The following AMOTL1 variants were observed in gnomAD, a reference collection of about 807,000 sequenced individuals.
The protein encoded by AMOTL1 is angiomotin like 1.
A neutral mutation model predicts 102.9 loss-of-function variants in AMOTL1; 45 were observed. The observed-to-expected ratio is 0.44, with a 90% CI of 0.34 to 0.56. AMOTL1 has a LOEUF of 0.56. Among genes scored for constraint, AMOTL1 ranks in the 20% least tolerant of loss-of-function variants. The probability of loss-of-function intolerance (pLI) is 0.01; values close to 1 mark genes in which losing one functional copy is unlikely to be tolerated. For missense variants in AMOTL1, 1,114 were observed against 1,225.6 expected (o/e 0.91, Z 1.36); for synonymous variants, 481 against 484.7 (o/e 0.99, Z 0.10).
rs1377844415 is a variant in AMOTL1 at position 94,831,526 on chromosome 11, C to T, written c.1633C>T (p.His545Tyr). Residue 545 changes from histidine to tyrosine, a missense_variant, in exon 6 of 13, where the codon CAT becomes TAT. By Grantham distance (83) the His-to-Tyr change is moderately conservative. Coordinates refer to ENST00000433060, the MANE Select transcript of AMOTL1 (RefSeq NM_130847.3). ...EGHEDKAAEG[H>Y]YASQNKEFLK... ...GCATGAAGACAAAGCTGCAGAGGGGCATTATGCTTCCCAGAGTGAGTCTCC... is the reference window on the plus strand; with the variant it reads ...GCATGAAGACAAAGCTGCAGAGGGGTATTATGCTTCCCAGAGTGAGTCTCC... The T allele has an allele frequency of 6.2e-7, 1 of 1,613,744 alleles. No homozygotes were observed. Among genetic ancestry groups the T allele is most frequent in the South Asian group, 1.1e-5 (1 of 91,026 alleles).
At chr11:94,862,998 G>A (rs1952803623) in intron 9 of AMOTL1, among the ~76,000 whole-genome samples, 1 of 152,130 alleles carries the variant, frequency 6.6e-6, no homozygotes, top group Non-Finnish European at 1.5e-5. Flanking sequence ...AAACTTGCAG[G>A]AGTATAGAGC....
At chr11:94,732,616 T>G (rs1448079291) in intron 2 of AMOTL1, among the ~76,000 whole-genome samples, 1 of 152,214 alleles carries the variant, frequency 6.6e-6, no homozygotes, top group Non-Finnish European at 1.5e-5. Flanking sequence ...ACAAGTTGAT[T>G]GGGCTGTTCG....
At chr11:94,719,566 A>ATG (rs34142147) in intron 1 of AMOTL1, among the ~76,000 whole-genome samples, 102,022 of 147,996 alleles carry the variant, frequency 0.69, 39,136 homozygotes, top group Middle Eastern at 0.86. Flanking sequence ...CAGAGCGAAA[A>ATG]TGTGTGTGTG....
At chr11:94,732,199 C>T (rs1428424285) in intron 2 of AMOTL1, among the ~76,000 whole-genome samples, 1 of 152,284 alleles carries the variant, frequency 6.6e-6, no homozygotes, top group Admixed American at 6.5e-5. Context: ...GTGTCCAAAC[C>T]TTGGGGTTTT....
intron 11 of AMOTL1, among the ~76,000 whole-genome samples, chr11:94,868,875 A>G (rs956213506): frequency 6.6e-6 from 1 of 151,926 alleles, no homozygotes; most frequent in African/African-American, 2.4e-5. Context: ...CCCTGTGAAT[A>G]ATTTATTTGT....
intron 9 of AMOTL1, among the ~76,000 whole-genome samples, chr11:94,864,389 G>C (rs1952835691): frequency 1.3e-5 from 2 of 152,040 alleles, no homozygotes; most frequent in South Asian, 4.1e-4. Context: ...CTTGATTTTT[G>C]AATTTTATTT....
intron 1 of AMOTL1, among the ~76,000 whole-genome samples, chr11:94,773,705 G>A (rs150902034): frequency 6.6e-6 from 1 of 152,340 alleles, no homozygotes; most frequent in African/African-American, 2.4e-5. Context: ...TCTTTAGAGT[G>A]TGTTACTCTG....
chr11:94,766,581 C>G (rs1367599916), upstream of AMOTL1, among the ~76,000 whole-genome samples: 1 of 152,148 alleles, frequency 6.6e-6, no homozygotes, highest in African/African-American at 2.4e-5. Flanking sequence ...TTTTTCTATC[C>G]ATCACTTCTT....
chr11:94,837,857 G>A (rs1952216287), intron 6 of AMOTL1, among the ~76,000 whole-genome samples: 1 of 152,172 alleles, frequency 6.6e-6, no homozygotes, highest in Non-Finnish European at 1.5e-5. Context: ...GAAAAATCAA[G>A]CATCTTAAAC....
At chr11:94,797,142 C>A in intron 2 of AMOTL1, 3 of 431,692 alleles carry the variant, frequency 6.9e-6, no homozygotes, top group Non-Finnish European at 3.1e-6. Flanking sequence ...CGTATGTACA[C>A]ATGAAACATA....
chr11:94,838,670 A>T (rs940195465), intron 6 of AMOTL1, among the ~76,000 whole-genome samples: 2 of 152,248 alleles, frequency 1.3e-5, no homozygotes, highest in African/African-American at 4.8e-5. Context: ...TTGAAGGAAG[A>T]TGCAAAATAA....
chr11:94,783,764 G>A (rs1010944268), intron 1 of AMOTL1, among the ~76,000 whole-genome samples: 1 of 152,102 alleles, frequency 6.6e-6, no homozygotes, highest in Non-Finnish European at 1.5e-5. Context: ...TTCAGATTTG[G>A]GTCTTATATC....
chr11:94,848,315 A>G (rs1257668632), intron 6 of AMOTL1, among the ~76,000 whole-genome samples: 2 of 152,120 alleles, frequency 1.3e-5, no homozygotes, highest in Non-Finnish European at 2.9e-5. Context: ...TGCTGCAGAA[A>G]GGAAGAAGGG....
intron 6 of AMOTL1, among the ~76,000 whole-genome samples, chr11:94,839,043 C>T (rs1952241924): frequency 6.6e-6 from 1 of 152,158 alleles, no homozygotes; most frequent in Non-Finnish European, 1.5e-5. Context: ...TTGGAGAGTA[C>T]CTTAAAGGTT....
At chr11:94,732,093 C>A (rs1950363596) in intron 2 of AMOTL1, among the ~76,000 whole-genome samples, 1 of 152,338 alleles carries the variant, frequency 6.6e-6, no homozygotes, top group African/African-American at 2.4e-5. Flanking sequence ...CCTCACCTCT[C>A]CCCACCACTG....
chr11:94,792,020 C>T (rs1406382147), intron 1 of AMOTL1, among the ~76,000 whole-genome samples: 9 of 152,154 alleles, frequency 5.9e-5, no homozygotes, highest in Admixed American at 2.6e-4. Context: ...ATTACTGTCA[C>T]GTTTCCTTGT....
chr11:94,859,001 T>A (rs1952721448), intron 8 of AMOTL1, among the ~76,000 whole-genome samples: 1 of 152,202 alleles, frequency 6.6e-6, no homozygotes, highest in Non-Finnish European at 1.5e-5. Context: ...TGTGAATACC[T>A]CCTTTCCCAG....
At chr11:94,856,360 T>C (rs1466128379) in intron 8 of AMOTL1, among the ~76,000 whole-genome samples, 1 of 152,174 alleles carries the variant, frequency 6.6e-6, no homozygotes, top group Non-Finnish European at 1.5e-5. Flanking sequence ...AAAAATCCAC[T>C]GGAAACATCT....
At chr11:94,840,654 G>GTATATATATATATATATATATATATA (rs551220386) in intron 6 of AMOTL1, among the ~76,000 whole-genome samples, 4 of 111,280 alleles carry the variant, frequency 3.6e-5, no homozygotes, top group South Asian at 3.1e-4. Context: ...CTTAAAAAAC[G>GTATATATATATATATATATATATATA]TATATATATA....
Sources: allele counts gnomAD v4.1 joint callset (sites outside exome capture counted in the v4.1 genomes callset), GRCh38; gene constraint gnomAD v4.1.1; transcripts MANE v1.5; gene names NCBI Gene and HGNC (gene_info 2026-07-23, HGNC 2026-07-21).